Variants in TEP1 observed in about 807,000 individuals in gnomAD.
TEP1 encodes telomerase associated protein 1.
TEP1 carries 241 observed loss-of-function variants against 306.3 expected under a neutral mutation model. The ratio of observed to expected loss-of-function variants is 0.79; its 90% CI spans 0.71 to 0.88. TEP1 has a LOEUF of 0.88. TEP1 is among the 40% of genes least tolerant of loss of function. TEP1 has a pLI of 0.00. For missense variants in TEP1, 3,051 were observed against 3,276.1 expected, an observed-to-expected ratio of 0.93 and a Z score of 1.68; for synonymous variants, 1,289 against 1,305.5, an observed-to-expected ratio of 0.99 and a Z score of 0.27.
Position 20,395,633 on chromosome 14 carries a change from T to G in TEP1, c.1751-6A>C, listed in dbSNP as rs111904261. 2.5e-6 allele frequency: 4 copies of G among 1,589,638 alleles called. No individual in the cohort carries two copies. Among genetic ancestry groups the G allele is most frequent in the Non-Finnish European group, 3.4e-6 (4 of 1,160,094 alleles). ...ATTCGAAGGAAAGGGCAATGCTGTA[T>G]GATGACAGGTAAATTTCCGAGTTAG... On this transcript the variant is annotated splice_region_variant and splice_polypyrimidine_tract_variant and intron_variant, in intron 11 of 54. Transcript: ENST00000262715.
Position 20,381,225 on chromosome 14 carries a change from G to T in TEP1, c.4647+88C>A. On this transcript the variant is annotated intron_variant, in intron 32 of 54. Transcript: ENST00000262715. This position sits in a 1 kb window ranked among gnomAD's most constrained non-coding sequence, Gnocchi z 4.0. ...GTTTGGGAGGGGTAATGGCGGCGGT[G>T]ATGGTGGAGATGGTAACGGGGAGAG... The T allele has an allele frequency of 7.2e-7, 1 of 1,384,818 alleles. No individual in the cohort carries two copies. The highest frequency in any genetic ancestry group is 1.4e-5 in the African/African-American group (1 of 70,382). 85.8% of individuals were successfully genotyped at this position (1,384,818 alleles called of 1,614,324 possible).
chr14:20,411,612 C>T (rs1041348568), intron 1 of TEP1, among the ~76,000 whole-genome samples: 4 of 152,058 alleles, frequency 2.6e-5, no homozygotes, highest in East Asian at 1.9e-4. Flanking sequence ...TAGCCTTGTT[C>T]CCACAATTGC....
intron 49 of TEP1, among the ~76,000 whole-genome samples, chr14:20,371,833 GAA>G: frequency 6.6e-6 from 1 of 152,120 alleles, no homozygotes; most frequent in South Asian, 2.1e-4. Flanking sequence ...CTCAAACTAG[GAA>G]TCTCTAACAT....
intron 12 of TEP1, among the ~76,000 whole-genome samples, chr14:20,392,368 G>A (rs1877801512): frequency 6.6e-6 from 1 of 152,164 alleles, no homozygotes. Context: ...TAGAAGTGCT[G>A]ATCAACATTA....
At chr14:20,389,318 C>G in intron 16 of TEP1, 21 bp from the exon 17 acceptor site, 1 of 1,613,538 alleles carries the variant, frequency 6.2e-7, no homozygotes, top group Non-Finnish European at 8.5e-7. Context: ...AAGAAGCAGT[C>G]ATTAACCATC....
In TEP1 at chr14:20,367,477, T is replaced by TA. The variant is rs1884540438; in HGVS notation, c.*959dup. The TA allele has an allele frequency of 6.6e-6, 1 of 151,974 alleles. No homozygotes were observed. Among genetic ancestry groups the TA allele is most frequent in the South Asian group, 2.1e-4 (1 of 4,824 alleles). The allele number at this position is 151,974 out of a possible 1,614,324, so 9.4% of individuals were successfully genotyped here. On this transcript the variant is annotated 3_prime_UTR_variant, in exon 55 of 55. Coordinates refer to ENST00000262715, the MANE Select transcript of TEP1 (RefSeq NM_007110.5). ...TTGTGAATTTCAATTTGAGAGAGAGTAAGACACTTTCGTGATCTCTTCTGA... is the reference window on the plus strand; with the variant it reads ...TTGTGAATTTCAATTTGAGAGAGAGTAAAGACACTTTCGTGATCTCTTCTGA...
At chr14:20,392,651 G>A (rs558818052) in intron 12 of TEP1, among the ~76,000 whole-genome samples, 2 of 152,310 alleles carry the variant, frequency 1.3e-5, no homozygotes, top group South Asian at 4.1e-4. Flanking sequence ...AATGTAATGT[G>A]TATACCTTGT....
Position 20,386,509 on chromosome 14 carries a change from ACGGTGAGGGGCCGCT to A in TEP1, c.2784_2798del (p.Ala929_Arg933del), listed in dbSNP as rs762859046. 2.5e-6 allele frequency: 4 copies of A among 1,612,908 alleles called. No homozygotes were observed. Among genetic ancestry groups the A allele is most frequent in the Non-Finnish European group, 3.4e-6 (4 of 1,179,438 alleles). On this transcript the variant is annotated inframe_deletion, in exon 19 of 55. Transcript: ENST00000262715. ...GGAGGTCGATTCCGTGAAGGCTGAT[ACGGTGAGGGGCCGCT>A]CGGGCCTGCAGTGCTGGCAGCACAG...
Position 20,404,698 on chromosome 14 carries a change from C to G in TEP1, c.945G>C (p.Leu315Phe), listed in dbSNP as rs771915301. 3 of 1,614,132 alleles carry G rather than the reference C, an allele frequency of 1.9e-6. No homozygotes were observed. The Admixed American group carries it at 5.0e-5, about 27-fold the overall frequency. ...GTCGCAGGTGGGGGCGACACGCCGGCAAGAAAGCAGCAATGGCCAAGATGT... is the reference window on the plus strand; with the variant it reads ...GTCGCAGGTGGGGGCGACACGCCGGGAAGAAAGCAGCAATGGCCAAGATGT... ...ANNILAIAAF[L>F]PACRPHLRRY... Residue 315 changes from leucine to phenylalanine, a missense_variant, in exon 5 of 55, where the codon TTG (leucine) becomes TTC (phenylalanine). By Grantham distance (22) the Leu-to-Phe change is conservative (BLOSUM62 0). This residue lies in a region of TEP1 where 1,507 missense variants were observed against 1,550.5 expected (regional missense o/e 0.97). Transcript: ENST00000262715.
At chr14:20,396,008 A>G in intron 10 of TEP1, 59 bp from the exon 11 acceptor site, 2 of 1,322,344 alleles carry the variant, frequency 1.5e-6, no homozygotes, top group Non-Finnish European at 2.2e-6. Context: ...GGGGGGCTTC[A>G]GGGGTCCACT....
At chr14:20,393,941 G>C (rs1877957879) in intron 12 of TEP1, among the ~76,000 whole-genome samples, 1 of 152,056 alleles carries the variant, frequency 6.6e-6, no homozygotes, top group Admixed American at 6.6e-5. Context: ...ACAAAAAATA[G>C]CTGGGTGCAG....
rs1369360613 is a variant in TEP1, at chr14:20,377,307, A to T, written c.6061T>A (p.Ser2021Thr). 2 of 1,613,532 alleles carry T rather than the reference A, an allele frequency of 1.2e-6. No individual in the cohort carries two copies. The highest frequency in any genetic ancestry group is 3.3e-5 in the Admixed American group (2 of 60,004). ...GAGGCAGAAGCCAAGAGCTCCTGGG[A>T]AGTGGCCAGTCCTAGCACAGGCTTC... Reference protein sequence around the residue: ...FQKPVLGLATSQELLASASED... With the variant: ...FQKPVLGLATTQELLASASED... The change falls in exon 41 of 55, where the codon TCC (serine) becomes ACC (threonine). Residue 2021 changes from serine (S) to threonine (T), a missense_variant. By Grantham distance (58) the Ser-to-Thr change is moderately conservative. Around this residue, in one of 3 missense-constraint regions of TEP1, gnomAD observed 1,540 missense variants for 1,705.9 expected, o/e 0.90. Transcript: ENST00000262715.
At chr14:20,375,710 C>A in intron 43 of TEP1, 45 bp downstream of exon 43, 1 of 1,367,490 alleles carries the variant, frequency 7.3e-7, no homozygotes, top group Non-Finnish European at 1.0e-6. Flanking sequence ...TGTCTTGCCC[C>A]AGGAACCCAG....
chr14:20,399,066 A>G (rs768693365), intron 9 of TEP1, among the ~76,000 whole-genome samples: 1 of 151,944 alleles, frequency 6.6e-6, no homozygotes, highest in Non-Finnish European at 1.5e-5. Context: ...TAATTTTTCT[A>G]TTTTTGGTTA....
In TEP1 at chr14:20,385,152, A is replaced by T. The variant is rs117498872; in HGVS notation, c.2983-43T>A. ...ACAGTGAGTTTAGTCCTAGGCCACA[A>T]TGACCCTCCCTCCAGACCTGCCAAG... On this transcript the variant is annotated intron_variant, in intron 20 of 54. Transcript: ENST00000262715. 1.5e-5 allele frequency: 24 copies of T among 1,607,644 alleles called. No individual in the cohort carries two copies. The African/African-American group carries it at 2.1e-4, about 14-fold the overall frequency.
chr14:20,392,284 GA>G (rs1187636683), intron 12 of TEP1, among the ~76,000 whole-genome samples: 1 of 152,188 alleles, frequency 6.6e-6, no homozygotes, highest in African/African-American at 2.4e-5. Context: ...AACCGCCAAT[GA>G]AACAATTGGT....
At position 20,384,515 on chromosome 14, in the gene TEP1, G is replaced by A. The variant is rs200791066; in HGVS notation, c.3222-7C>T. Reference sequence around the variant, plus strand: ...CCCCCACTCACAGGGGTATCTGTGGGCAAATCAAGCACAACCAGGTCAGAG... The same window carrying A: ...CCCCCACTCACAGGGGTATCTGTGGACAAATCAAGCACAACCAGGTCAGAG... On this transcript the variant is annotated splice_region_variant and splice_polypyrimidine_tract_variant and intron_variant, in intron 22 of 54. Coordinates refer to ENST00000262715, the MANE Select transcript of TEP1 (RefSeq NM_007110.5). 1 of 1,614,010 alleles carries A rather than the reference G, an allele frequency of 6.2e-7. No individual in the cohort carries two copies. Among genetic ancestry groups the A allele is most frequent in the East Asian group, 2.2e-5 (1 of 44,880 alleles).
chr14:20,382,684 C>A lies in TEP1; in HGVS notation c.4079G>T (p.Gly1360Val). Residue 1360 changes from glycine (G) to valine (V), a missense_variant, in exon 28 of 55, where the codon GGC becomes GTC. Gly to Val is a moderately radical substitution (Grantham distance 109). Transcript: ENST00000262715. ...GACCAAGCGCAGGTAGAGCGGCCGG[C>A]CTGATTCCCGCTTCACCAGCAGCAG... ...MRLLLVKRES[G>V]RPLYLRLVTD... is the part of the protein sequence containing the mutation. 1.2e-6 allele frequency: 2 copies of A among 1,614,088 alleles called. No homozygotes were observed. Among genetic ancestry groups the A allele is most frequent in the Non-Finnish European group, 1.7e-6 (2 of 1,179,998 alleles).
Position 20,387,939 on chromosome 14 carries a change from T to G in TEP1, c.2650A>C (p.Thr884Pro), listed in dbSNP as rs745936972. 1 of 1,613,452 alleles carries G rather than the reference T, an allele frequency of 6.2e-7. No homozygotes were observed. Among genetic ancestry groups the G allele is most frequent in the East Asian group, 2.2e-5 (1 of 44,854 alleles). The change falls in exon 18 of 55, where the codon ACT becomes CCT. Residue 884 changes from threonine (T) to proline (P), a missense_variant. Transcript: ENST00000262715. ...VQSLRPLEED[T>P]PSPLAPVSQQ... ...GAAACAGGAGCCAAGGGGCTTGGAG[T>G]GTCCTCTTCCAGTGGCCGGAGAGAC...
Sources: allele counts gnomAD v4.1 joint callset (sites outside exome capture counted in the v4.1 genomes callset), GRCh38; gene constraint gnomAD v4.1.1; regional missense constraint gnomAD v4.1.1; non-coding constraint Gnocchi (gnomAD v3.1); transcripts MANE v1.5; gene names NCBI Gene and HGNC (gene_info 2026-07-23, HGNC 2026-07-21).